The following GPLD1 variants were observed in gnomAD, a reference collection of about 807,000 sequenced individuals.
GPLD1 encodes the protein glycosylphosphatidylinositol specific phospholipase D1, also known as phosphatidylinositol-glycan-specific phospholipase D.
GPLD1 carries 84 observed loss-of-function variants against 112.6 expected under a neutral mutation model. The observed-to-expected ratio is 0.75, with a 90% CI of 0.63 to 0.89. GPLD1 has a LOEUF of 0.89. Ranked by LOEUF, GPLD1 falls within the 40% of genes least tolerant of loss-of-function variation. The pLI is 0.00. For missense variants in GPLD1, 1,044 were observed against 1,051.5 expected, an observed-to-expected ratio of 0.99 and a Z score of 0.10; for synonymous variants, 386 against 403.8, an observed-to-expected ratio of 0.96 and a Z score of 0.53.
At chr6:24,429,164 A>G (rs1158836815) in intron 24 of GPLD1, 46 bp from the exon 25 acceptor site, 7 of 1,214,266 alleles carry the variant, frequency 5.8e-6, no homozygotes, top group African/African-American at 4.5e-5. Flanking sequence ...CATAACATCT[A>G]TTGAGTTCCT....
chr6:24,432,816 G>A (rs963946082), intron 24 of GPLD1, among the ~76,000 whole-genome samples: 15 of 152,196 alleles, frequency 9.9e-5, no homozygotes, highest in Non-Finnish European at 1.0e-4. Context: ...AGACGAGCCC[G>A]GCTATGTTCC....
Position 24,477,214 on chromosome 6 carries a change from C to T in GPLD1, c.233-936G>A, listed in dbSNP as rs529329988. 2.7e-5 allele frequency among the ~76,000 whole-genome samples: 4 copies of T among 148,516 alleles called. No homozygotes were observed. In the South Asian group the frequency reaches 6.6e-4, roughly 24 times the overall value. On this transcript the variant is annotated intron_variant, in intron 3 of 24. Coordinates refer to ENST00000230036, the MANE Select transcript of GPLD1 (RefSeq NM_001503.4). ...GGCAGATTAACTGAAGCTTTCTGAT[C>T]CCTCTGTAAATCCAACAGACTGGAA...
chr6:24,476,308 C>T (rs1465599194), intron 3 of GPLD1, 30 bp from the exon 4 acceptor site: 1 of 1,196,674 alleles, frequency 8.4e-7, no homozygotes, highest in Non-Finnish European at 1.2e-6. Flanking sequence ...GCTCTAGATT[C>T]TCTCTTAAAA....
At chr6:24,486,535 G>C (rs1020629101) in intron 1 of GPLD1, among the ~76,000 whole-genome samples, 10 of 152,206 alleles carry the variant, frequency 6.6e-5, no homozygotes, top group African/African-American at 2.4e-4. Context: ...GAAACTGCCA[G>C]ACCACACATG....
intron 3 of GPLD1, among the ~76,000 whole-genome samples, chr6:24,478,736 C>T (rs1764103861): frequency 6.6e-6 from 1 of 151,626 alleles, no homozygotes; most frequent in Non-Finnish European, 1.5e-5. Context: ...AGGTCCAGCT[C>T]TCAAGTGGTC....
chr6:24,467,411 T>G, intron 7 of GPLD1, 137 bp from the exon 8 acceptor site: 1 of 610,184 alleles, frequency 1.6e-6, no homozygotes, highest in Non-Finnish European at 2.9e-6. Context: ...GCACCAGTTA[T>G]TTAATCCTAG....
intron 20 of GPLD1, among the ~76,000 whole-genome samples, chr6:24,443,664 CTTG>C (rs1561833636): frequency 2.0e-5 from 3 of 151,804 alleles, no homozygotes; most frequent in Non-Finnish European, 4.4e-5. Flanking sequence ...GCCTAATCCA[CTTG>C]TTTTTTTGTT....
At chr6:24,447,648 G>T (rs572952957) in intron 17 of GPLD1, among the ~76,000 whole-genome samples, 28 of 152,292 alleles carry the variant, frequency 1.8e-4, no homozygotes, top group South Asian at 1.0e-3. Context: ...TATGGGAATA[G>T]TCTATTTGCC....
At position 24,466,686 on chromosome 6, in the gene GPLD1, C is replaced by A. The variant is rs1763627984; in HGVS notation, c.815G>T (p.Gly272Val). 1 of 1,611,940 alleles carries A rather than the reference C, an allele frequency of 6.2e-7. No individual in the cohort carries two copies. The highest frequency in any genetic ancestry group is 8.5e-7 in the Non-Finnish European group (1 of 1,178,360). Residue 272 changes from glycine (G) to valine (V), a missense_variant, in exon 10 of 25, where the codon GGG (glycine) becomes GTG (valine). Transcript: ENST00000230036. ...YHLTSFMLEN[G>V]TSDCNLPENP... is the part of the protein sequence containing the mutation. ...AAATGCAATATGAATTCACCTGGTCCCATTCTCCAACATGAAGCTTGTTAG... is the reference window on the plus strand; with the variant it reads ...AAATGCAATATGAATTCACCTGGTCACATTCTCCAACATGAAGCTTGTTAG...
upstream of GPLD1, among the ~76,000 whole-genome samples, chr6:24,490,451 TAG>T (rs924239520): frequency 6.6e-6 from 1 of 151,996 alleles, no homozygotes; most frequent in African/African-American, 2.4e-5. Context: ...AAAGGATGAA[TAG>T]AAAGTGGGAT....
intron 12 of GPLD1, among the ~76,000 whole-genome samples, chr6:24,457,423 A>G (rs935941054): frequency 6.6e-6 from 1 of 151,576 alleles, no homozygotes; most frequent in Non-Finnish European, 1.5e-5. Context: ...TGAGGCTGCA[A>G]TGAGCTGAGA....
At position 24,428,541 on chromosome 6, in the gene GPLD1, A is replaced by C. The variant is rs750344401; in HGVS notation, c.*491T>G. On this transcript the variant is annotated 3_prime_UTR_variant, in exon 25 of 25. Transcript: ENST00000230036. ...AGGATAATGGCCTCCAGCTCCATCCATGTCCCTGCAAAGGGCATGATCTTG... is the reference window on the plus strand; with the variant it reads ...AGGATAATGGCCTCCAGCTCCATCCCTGTCCCTGCAAAGGGCATGATCTTG... The C allele has an allele frequency of 3.9e-5, 6 of 152,306 alleles. No individual in the cohort carries two copies. Among genetic ancestry groups the C allele is most frequent in the Non-Finnish European group, 7.3e-5 (5 of 68,146 alleles). 9.4% of individuals were successfully genotyped at this position (152,306 alleles called of 1,614,324 possible).
At chr6:24,488,809 T>C (rs917192518) in intron 1 of GPLD1, among the ~76,000 whole-genome samples, 3 of 152,198 alleles carry the variant, frequency 2.0e-5, no homozygotes, top group African/African-American at 7.2e-5. Flanking sequence ...ATATCCAGGA[T>C]GACTCTGCCC....
At chr6:24,484,373 G>C (rs890651616) in intron 2 of GPLD1, among the ~76,000 whole-genome samples, 1 of 151,916 alleles carries the variant, frequency 6.6e-6, no homozygotes, top group African/African-American at 2.4e-5. Flanking sequence ...CTGCCACCAC[G>C]GCCAGCTAAT....
chr6:24,480,897 T>C (rs527796776), intron 2 of GPLD1, among the ~76,000 whole-genome samples: 44 of 152,334 alleles, frequency 2.9e-4, no homozygotes, highest in African/African-American at 9.6e-4. Context: ...CATTTGGTTT[T>C]TCCACAGCAG....
At chr6:24,432,321 G>C (rs1762430846) in intron 24 of GPLD1, among the ~76,000 whole-genome samples, 1 of 152,010 alleles carries the variant, frequency 6.6e-6, no homozygotes, top group African/African-American at 2.4e-5. Context: ...CTCTGGGCCG[G>C]GTGCAGTGGT....
chr6:24,436,308 C>T (rs1163559429), intron 22 of GPLD1, among the ~76,000 whole-genome samples: 1 of 152,132 alleles, frequency 6.6e-6, no homozygotes, highest in Non-Finnish European at 1.5e-5. Flanking sequence ...TTCTTCTGTG[C>T]TGTGGGTGCC....
intron 10 of GPLD1, among the ~76,000 whole-genome samples, chr6:24,464,463 A>G (rs1272194702): frequency 2.6e-5 from 4 of 152,224 alleles, no homozygotes; most frequent in African/African-American, 9.6e-5. Context: ...TGAGATTGCT[A>G]TCCCTGCCAA....
chr6:24,424,483 T>C (rs572438487), downstream of GPLD1: 1 of 152,346 alleles, frequency 6.6e-6, no homozygotes, highest in Admixed American at 6.5e-5. Flanking sequence ...GTCCTGCTAA[T>C]CTATATGCCT....
Sources: gnomAD v4.1 joint callset for allele counts (sites outside exome capture counted in the v4.1 genomes callset) on GRCh38, gnomAD v4.1.1 for gene constraint, MANE v1.5 for transcripts, NCBI Gene and HGNC (gene_info 2026-07-23, HGNC 2026-07-21) for gene names.